The following NSD3 variants were observed in gnomAD, a reference collection of about 807,000 sequenced individuals.
The protein encoded by NSD3 is nuclear receptor binding SET domain protein 3.
A neutral mutation model predicts 160.8 loss-of-function variants in NSD3; 24 were observed. The ratio of observed to expected loss-of-function variants is 0.15; its 90% CI spans 0.11 to 0.21. NSD3 has a LOEUF of 0.21. Among genes scored for constraint, NSD3 ranks in the 10% least tolerant of loss-of-function variants. The pLI, the probability that NSD3 is intolerant of heterozygous loss-of-function variation, is 1.00. For synonymous variants in NSD3, 520 were observed against 600.0 expected (o/e 0.87, Z 1.95); for missense variants, 1,157 against 1,735.9 (o/e 0.67, Z 5.93).
At chr8:38,300,549 T>C (rs1033865482) in intron 14 of NSD3, among the ~76,000 whole-genome samples, 1 of 152,176 alleles carries the variant, frequency 6.6e-6, no homozygotes, top group Non-Finnish European at 1.5e-5. Context: ...CCTGCCACAA[T>C]ATAAAAGGAT....
intron 15 of NSD3, among the ~76,000 whole-genome samples, chr8:38,297,074 AAC>A (rs1401531138): frequency 6.6e-6 from 1 of 152,210 alleles, no homozygotes. Flanking sequence ...TGAAATATTA[AAC>A]ATAGTTCAAA....
chr8:38,361,697 G>A (rs1810969452), intron 1 of NSD3, among the ~76,000 whole-genome samples: 1 of 146,096 alleles, frequency 6.8e-6, no homozygotes, highest in South Asian at 2.3e-4. Context: ...GGAGCTTGCA[G>A]TGAGCCAAGA....
chr8:38,363,448 G>A (rs1441175394), intron 1 of NSD3, among the ~76,000 whole-genome samples: 1 of 152,016 alleles, frequency 6.6e-6, no homozygotes, highest in South Asian at 2.1e-4. Context: ...TTCGAGAGCA[G>A]CCTGGCCAAC....
intron 1 of NSD3, among the ~76,000 whole-genome samples, chr8:38,371,529 T>A (rs1811242107): frequency 6.6e-6 from 1 of 152,212 alleles, no homozygotes; most frequent in African/African-American, 2.4e-5. Context: ...TTAAAATCGC[T>A]ATCGCCCATG....
rs148443989 is a variant in NSD3 at position 38,364,316 on chromosome 8, A to T, written c.-44-16101T>A. Among the ~76,000 whole-genome samples the T allele has an allele frequency of 4.4e-3, 557 of 125,362 alleles. 1 individual carries two copies. Among genetic ancestry groups the T allele is most frequent in the African/African-American group, 0.016 (544 of 34,366 alleles). The allele number at this position is 125,362 out of a possible 152,430, so 82.2% of individuals were successfully genotyped here. A position where few individuals can be genotyped will look rare whatever the true frequency, so the allele number is the denominator to read the frequency against. ...ACAACAACAACAACAACAACAACAG[A>T]AGTCTTGCCCCATTACAACATAAAT... On this transcript the variant is annotated intron_variant, in intron 1 of 23. Transcript: ENST00000317025.
chr8:38,275,585 A>C lies in NSD3; in HGVS notation c.*56T>G. 1 of 1,512,550 alleles carries C rather than the reference A, an allele frequency of 6.6e-7. No individual in the cohort carries two copies. The highest frequency in any genetic ancestry group is 9.0e-7 in the Non-Finnish European group (1 of 1,114,258). The allele number at this position is 1,512,550 out of a possible 1,614,324, so 93.7% of individuals were successfully genotyped here. A position where few individuals can be genotyped will look rare whatever the true frequency, so the allele number is the denominator to read the frequency against. On this transcript the variant is annotated 3_prime_UTR_variant, in exon 24 of 24. Coordinates refer to ENST00000317025, the MANE Select transcript of NSD3 (RefSeq NM_023034.2). ...GCACTGTAGCAGTCTCTTCTTTTTA[A>C]ATGCATGATCTATTTGCTTTTTTCA...
intron 15 of NSD3, among the ~76,000 whole-genome samples, chr8:38,297,749 A>G (rs1809187963): frequency 6.6e-6 from 1 of 151,852 alleles, no homozygotes; most frequent in East Asian, 1.9e-4. Context: ...CAACCTAGAG[A>G]TCAGATGCCC....
intron 20 of NSD3, among the ~76,000 whole-genome samples, chr8:38,280,943 A>G (rs527272614): frequency 6.6e-6 from 1 of 151,880 alleles, no homozygotes; most frequent in South Asian, 2.1e-4. Context: ...TTTTGTAGAG[A>G]CAGGGTCTTC....
intron 19 of NSD3, among the ~76,000 whole-genome samples, chr8:38,286,155 A>G (rs915531712): frequency 6.6e-6 from 1 of 152,144 alleles, no homozygotes; most frequent in African/African-American, 2.4e-5. Context: ...AGTTTATGAC[A>G]TAAGACTTCA....
chr8:38,290,624 C>A lies in NSD3; in HGVS notation c.2969G>T (p.Gly990Val). 1 of 1,613,984 alleles carries A rather than the reference C, an allele frequency of 6.2e-7. No individual in the cohort carries two copies. The highest frequency in any genetic ancestry group is 1.1e-5 in the South Asian group (1 of 91,076). Residue 990 changes from glycine to valine, a missense_variant, in exon 17 of 24, where the codon GGC (glycine) becomes GTC (valine). Gly to Val is a moderately radical substitution (Grantham distance 109). Around this residue, in one of 10 missense-constraint regions of NSD3, gnomAD observed 437 missense variants for 576.6 expected, o/e 0.76. Coordinates refer to ENST00000317025, the MANE Select transcript of NSD3 (RefSeq NM_023034.2). ...NPRSVPLNIQ[G>V]LKHDLGDFPV... ...GAAGTCCCCCAAGTCATGTTTAAGG[C>A]CCTGGATGTTCAGTGGCACAGACCT...
At chr8:38,291,021 C>T (rs1808988243) in intron 16 of NSD3, among the ~76,000 whole-genome samples, 1 of 152,088 alleles carries the variant, frequency 6.6e-6, no homozygotes, top group Admixed American at 6.6e-5. Context: ...TCCCCCCAAA[C>T]TTAATACTGA....
intron 22 of NSD3, among the ~76,000 whole-genome samples, chr8:38,277,249 A>C (rs1308417729): frequency 6.6e-6 from 1 of 151,822 alleles, no homozygotes; most frequent in Non-Finnish European, 1.5e-5. Flanking sequence ...GCCTTCACTG[A>C]CTTTTGAATA....
intron 16 of NSD3, among the ~76,000 whole-genome samples, chr8:38,293,308 T>C (rs1809051220): frequency 6.6e-6 from 1 of 152,026 alleles, no homozygotes; most frequent in Non-Finnish European, 1.5e-5. Flanking sequence ...TCCCAGCACT[T>C]TGGGAGGCTG....
intron 1 of NSD3, among the ~76,000 whole-genome samples, chr8:38,372,495 CTT>C (rs565709775): frequency 1.4e-4 from 19 of 132,672 alleles, no homozygotes; most frequent in Non-Finnish European, 1.3e-4. Context: ...TCTTCAGGTT[CTT>C]TTTTTTTTTT....
Position 38,290,624 on chromosome 8 carries a change from C to T in NSD3, c.2969G>A (p.Gly990Asp), listed in dbSNP as rs768467312. ...GAAGTCCCCCAAGTCATGTTTAAGGCCCTGGATGTTCAGTGGCACAGACCT... is the reference window on the plus strand; with the variant it reads ...GAAGTCCCCCAAGTCATGTTTAAGGTCCTGGATGTTCAGTGGCACAGACCT... ...NPRSVPLNIQGLKHDLGDFPV... is the reference protein window; with the variant it reads ...NPRSVPLNIQDLKHDLGDFPV... Residue 990 changes from glycine to aspartate, a missense_variant, in exon 17 of 24, where the codon GGC becomes GAC. By Grantham distance (94) the Gly-to-Asp change is moderately conservative. Around this residue, in one of 10 missense-constraint regions of NSD3, gnomAD observed 437 missense variants for 576.6 expected, o/e 0.76. Transcript: ENST00000317025. The T allele has an allele frequency of 5.6e-6, 9 of 1,613,984 alleles. No homozygotes were observed. The highest frequency in any genetic ancestry group is 6.8e-6 in the Non-Finnish European group (8 of 1,179,886).
chr8:38,359,148 C>A lies in NSD3; in HGVS notation c.-44-10933G>T, dbSNP rs1810897526. ...ATAAGTTATAAATTCTGGTATTGCC[C>A]ATTTAGGTTTTCATAATTAAAAAAT... On this transcript the variant is annotated intron_variant, in intron 1 of 23. Coordinates refer to ENST00000317025, the MANE Select transcript of NSD3 (RefSeq NM_023034.2). Among the ~76,000 whole-genome samples, 3 of 151,912 alleles carry A rather than the reference C, an allele frequency of 2.0e-5. No homozygotes were observed. In the South Asian group the frequency reaches 6.2e-4, roughly 31 times the overall value.
At chr8:38,335,040 A>G (rs2150377808) in intron 4 of NSD3, among the ~76,000 whole-genome samples, 1 of 150,038 alleles carries the variant, frequency 6.7e-6, no homozygotes, top group Admixed American at 6.7e-5. Flanking sequence ...ACTGGAGTGA[A>G]GTGGTGGATC....
chr8:38,367,393 G>T (rs918267086), intron 1 of NSD3, among the ~76,000 whole-genome samples: 4 of 151,990 alleles, frequency 2.6e-5, no homozygotes, highest in Non-Finnish European at 5.9e-5. Context: ...ATTCTGAAAA[G>T]AATATATATA....
intron 16 of NSD3, among the ~76,000 whole-genome samples, chr8:38,293,922 C>CAAAAAAAAAAAAA (rs11290856): frequency 4.0e-5 from 2 of 49,932 alleles, no homozygotes; most frequent in Non-Finnish European, 6.4e-5. Context: ...GACTCCGTCT[C>CAAAAAAAAAAAAA]AAAAAAAAAA....
Sources: gnomAD v4.1 joint callset for allele counts (sites outside exome capture counted in the v4.1 genomes callset) on GRCh38, gnomAD v4.1.1 for gene constraint, gnomAD v4.1.1 regional missense constraint, MANE v1.5 for transcripts, NCBI Gene and HGNC (gene_info 2026-07-23, HGNC 2026-07-21) for gene names.